The following XPO6 variants were observed in gnomAD, a reference collection of about 807,000 sequenced individuals.
XPO6 encodes the protein exportin 6.
XPO6 carries 3 observed loss-of-function variants against 130.0 expected under a neutral mutation model. That is an observed-to-expected ratio of 0.02 (90% CI 0.01 to 0.06). XPO6 has a LOEUF of 0.06. XPO6 is among the 10% of genes least tolerant of loss of function. The pLI is 1.00. For missense variants in XPO6, 970 were observed against 1,393.0 expected, an observed-to-expected ratio of 0.70 and a Z score of 4.83; for synonymous variants, 524 against 548.9, an observed-to-expected ratio of 0.95 and a Z score of 0.63.
Position 28,132,829 on chromosome 16 carries a change from A to G in XPO6, c.1537-426T>C, listed in dbSNP as rs2042700183. On this transcript the variant is annotated intron_variant, in intron 11 of 23. Transcript: ENST00000304658. The surrounding 1 kb of genome is among the most constrained non-coding windows in gnomAD (Gnocchi z 4.0). The stretch of plus-strand genomic sequence containing the variant: ...ATGTCAGCTATGCCTTATTAAGCAC[A>G]TGGTAAAGTGATAAGATTGGCCAAA... 3.3e-5 allele frequency among the ~76,000 whole-genome samples: 5 copies of G among 152,180 alleles called. No homozygotes were observed. Among genetic ancestry groups the G allele is most frequent in the Admixed American group, 3.3e-4 (5 of 15,282 alleles).
chr16:28,130,711 G>C (rs2042651896), intron 12 of XPO6, among the ~76,000 whole-genome samples: 1 of 152,124 alleles, frequency 6.6e-6, no homozygotes, highest in Non-Finnish European at 1.5e-5. Context: ...CCAGTAAACA[G>C]GCTTTAGTGA....
chr16:28,164,756 T>C (rs1359749450), intron 6 of XPO6, among the ~76,000 whole-genome samples: 1 of 152,220 alleles, frequency 6.6e-6, no homozygotes, highest in Non-Finnish European at 1.5e-5. Context: ...TTCCCCAACA[T>C]GGCCCTGAGG....
intron 21 of XPO6, among the ~76,000 whole-genome samples, chr16:28,103,394 G>A (rs2086695001): frequency 6.6e-6 from 1 of 152,188 alleles, no homozygotes; most frequent in Admixed American, 6.5e-5. Flanking sequence ...TCAGCTGCTG[G>A]ATACTCAAAG....
chr16:28,189,435 G>A (rs944751395), intron 1 of XPO6, among the ~76,000 whole-genome samples: 3 of 152,096 alleles, frequency 2.0e-5, no homozygotes, highest in African/African-American at 7.2e-5. Context: ...CCAGTGAGCA[G>A]CCAGCCAGAA....
intron 1 of XPO6, among the ~76,000 whole-genome samples, chr16:28,210,133 CA>C (rs2044102379): frequency 6.6e-6 from 1 of 152,146 alleles, no homozygotes; most frequent in Non-Finnish European, 1.5e-5. Context: ...TGTCTCAAAA[CA>C]AATAAAAATA....
At chr16:28,167,493 C>G (rs2043375621) in intron 5 of XPO6, among the ~76,000 whole-genome samples, 1 of 152,202 alleles carries the variant, frequency 6.6e-6, no homozygotes, top group Admixed American at 6.5e-5. Flanking sequence ...CTCTCCTCCT[C>G]CCAATTTCAA....
intron 1 of XPO6, among the ~76,000 whole-genome samples, chr16:28,201,044 A>T (rs1486165258): frequency 6.6e-6 from 1 of 151,200 alleles, no homozygotes; most frequent in Non-Finnish European, 1.5e-5. Context: ...ACCTCACCTC[A>T]CCCACTCCCA....
intron 9 of XPO6, 42 bp from the exon 10 acceptor site, chr16:28,135,366 A>G: frequency 6.4e-7 from 1 of 1,573,016 alleles, no homozygotes; most frequent in Non-Finnish European, 8.7e-7. Context: ...GGAGGCTTTC[A>G]GCTTAGAATT....
At chr16:28,173,634 C>G (rs2043490537) in intron 4 of XPO6, among the ~76,000 whole-genome samples, 1 of 152,106 alleles carries the variant, frequency 6.6e-6, no homozygotes, top group Non-Finnish European at 1.5e-5. Flanking sequence ...GGGTGCAGAA[C>G]CCAAACCTGC....
Position 28,142,759 on chromosome 16 carries a change from C to T in XPO6, c.1334+3335G>A, listed in dbSNP as rs139920628. Among the ~76,000 whole-genome samples, 259 of 152,244 alleles carry T rather than the reference C, an allele frequency of 1.7e-3. 2 individuals carry two copies. The highest frequency in any genetic ancestry group is 5.5e-3 in the African/African-American group (228 of 41,550). ...ATAATTTTTGTATTTTTTGTACAGACAGAGTCTTGCTATGTTGCCCAGGCT... is the reference window on the plus strand; with the variant it reads ...ATAATTTTTGTATTTTTTGTACAGATAGAGTCTTGCTATGTTGCCCAGGCT... On this transcript the variant is annotated intron_variant, in intron 9 of 23. Transcript: ENST00000304658.
chr16:28,156,606 AT>A lies in XPO6; in HGVS notation c.644-80del, dbSNP rs1046654159. 2.2e-4 allele frequency: 180 copies of A among 806,622 alleles called. 1 individual carries two copies. The highest frequency in any genetic ancestry group is 3.4e-4 in the Middle Eastern group (1 of 2,906). The allele number at this position is 806,622 out of a possible 1,614,324, so 50.0% of individuals were successfully genotyped here. On this transcript the variant is annotated intron_variant, in intron 6 of 23. Coordinates refer to ENST00000304658, the MANE Select transcript of XPO6 (RefSeq NM_015171.4). ...CTTTAAGTAATTCTCCTTCAAAAAA[AT>A]ATATATATATATGTATACATATATG...
In XPO6 at chr16:28,197,881, C is replaced by T. The variant is rs537002792; in HGVS notation, c.3+13485G>A. 1.0e-2 allele frequency among the ~76,000 whole-genome samples: 1,406 copies of T among 141,144 alleles called. 14 individuals are homozygous for T. The highest frequency in any genetic ancestry group is 0.052 in the Middle Eastern group (14 of 270). The allele number at this position is 141,144 out of a possible 152,430, so 92.6% of individuals were successfully genotyped here. ...TTACAGTGAGCCAAGATCACGCCAC[C>T]GCACTCCAGCCTGAGCAACACAGAG... is the stretch of plus-strand genomic sequence containing the variant. On this transcript the variant is annotated intron_variant, in intron 1 of 23. Transcript: ENST00000304658.
Position 28,135,290 on chromosome 16 carries a change from C to A in XPO6, c.1369G>T (p.Val457Leu). 1 of 1,613,942 alleles carries A rather than the reference C, an allele frequency of 6.2e-7. No homozygotes were observed. The highest frequency in any genetic ancestry group is 8.5e-7 in the Non-Finnish European group (1 of 1,179,896). Residue 457 changes from valine to leucine, a missense_variant, in exon 10 of 24, where the codon GTG becomes TTG. Val to Leu is a conservative substitution (Grantham distance 32). This residue lies in a region of XPO6 where 936 missense variants were observed against 1,306.8 expected (regional missense o/e 0.72). Transcript: ENST00000304658. Reference protein sequence around the residue: ...EDALVLLLTEVLNRIQFRYNQ... With the variant: ...EDALVLLLTELLNRIQFRYNQ... ...TATCTGAACTGGATTCGATTCAACA[C>A]CTCTGTGAGCAGGAGCACCAGGGCA... is the stretch of plus-strand genomic sequence containing the variant.
At chr16:28,161,810 C>G (rs150151757) in intron 6 of XPO6, among the ~76,000 whole-genome samples, 1 of 152,140 alleles carries the variant, frequency 6.6e-6, no homozygotes, top group Non-Finnish European at 1.5e-5. Flanking sequence ...AGAAATGAAA[C>G]CAAACCAGGG....
intron 9 of XPO6, among the ~76,000 whole-genome samples, chr16:28,139,632 G>C (rs2042848698): frequency 6.6e-6 from 1 of 152,108 alleles, no homozygotes; most frequent in Admixed American, 6.5e-5. Flanking sequence ...AAGAAGAGAG[G>C]CTAAAGGACT....
At chr16:28,149,058 T>TAAAA (rs71389526) in intron 8 of XPO6, among the ~76,000 whole-genome samples, 2 of 107,122 alleles carry the variant, frequency 1.9e-5, no homozygotes, top group Non-Finnish European at 3.9e-5. Context: ...AAAAAGAAAA[T>TAAAA]AAAAAAAAAA....
At chr16:28,133,958 A>G (rs749034333) in intron 10 of XPO6, 25 bp from the exon 11 acceptor site, 1 of 1,611,766 alleles carries the variant, frequency 6.2e-7, no homozygotes. Flanking sequence ...CAGGAGAATC[A>G]GCTCTCCCAG....
chr16:28,124,550 A>G (rs557342574), intron 13 of XPO6, among the ~76,000 whole-genome samples: 1 of 152,286 alleles, frequency 6.6e-6, no homozygotes, highest in Admixed American at 6.5e-5. Flanking sequence ...CAACATGTGG[A>G]CCCAGGAAAC....
chr16:28,128,697 C>T (rs994264009), intron 12 of XPO6, among the ~76,000 whole-genome samples: 2 of 152,188 alleles, frequency 1.3e-5, no homozygotes, highest in Non-Finnish European at 2.9e-5. Flanking sequence ...CCTGCACACC[C>T]GGCCCTTCAG....
Sources: gnomAD v4.1 joint callset for allele counts (sites outside exome capture counted in the v4.1 genomes callset) on GRCh38, gnomAD v4.1.1 for gene constraint, gnomAD v4.1.1 regional missense constraint, Gnocchi (gnomAD v3.1) non-coding constraint, MANE v1.5 for transcripts, NCBI Gene and HGNC (gene_info 2026-07-23, HGNC 2026-07-21) for gene names.